TCERG1: variants seen among roughly 807,000 people sequenced by gnomAD.
TCERG1 encodes the protein transcription elongation regulator 1.
In TCERG1, 37 loss-of-function variants were observed where a neutral mutation model predicts 144.7. The observed-to-expected ratio is 0.26, with a 90% CI of 0.20 to 0.34. The LOEUF is 0.34. TCERG1 is among the 10% of genes least tolerant of loss of function. The probability of loss-of-function intolerance (pLI) is 1.00; values close to 1 mark genes in which losing one functional copy is unlikely to be tolerated. For missense variants in TCERG1, 1,027 were observed against 1,380.7 expected, an observed-to-expected ratio of 0.74 and a Z score of 4.06; for synonymous variants, 492 against 458.2, an observed-to-expected ratio of 1.07 and a Z score of -0.94.
chr5:146,508,008 G>A (rs567408966), intron 21 of TCERG1, 52 bp downstream of exon 21: 9 of 1,348,378 alleles, frequency 6.7e-6, no homozygotes, highest in South Asian at 1.3e-5. Flanking sequence ...TACTTAAATC[G>A]GGGCCTAACA....
intron 17 of TCERG1, among the ~76,000 whole-genome samples, chr5:146,501,391 A>C (rs1767434501): frequency 1.3e-5 from 2 of 152,186 alleles, no homozygotes; most frequent in South Asian, 4.1e-4. Context: ...TAATATCCAC[A>C]ATGAAAGGAA....
intron 4 of TCERG1, among the ~76,000 whole-genome samples, chr5:146,459,559 A>G (rs1288241386): frequency 6.6e-6 from 1 of 152,268 alleles, no homozygotes; most frequent in Non-Finnish European, 1.5e-5. Flanking sequence ...CTAAATTGAG[A>G]AAGTGCAAAG....
rs1763137603 is a variant in TCERG1, at chr5:146,459,279, C to G, written c.834C>G (p.Thr278=). Residue 278 remains threonine, a synonymous_variant, in exon 4 of 23, where the codon ACC becomes ACG. Coordinates refer to ENST00000679501, the MANE Select transcript of TCERG1 (RefSeq NM_001382548.1). The stretch of plus-strand genomic sequence containing the variant: ...TATCCACTTCAACATCATCATCCAC[C>G]CCTTCCTCTACCACTTCTACCACAA... ...PAVSTSTSSS[T]PSSTTSTTTT... The G allele has an allele frequency of 6.2e-7, 1 of 1,614,148 alleles. No homozygotes were observed. The highest frequency in any genetic ancestry group is 8.5e-7 in the Non-Finnish European group (1 of 1,180,050).
rs984933515 is a variant in TCERG1 at position 146,470,398 on chromosome 5, A to G, written c.1400-238A>G. Among the ~76,000 whole-genome samples, 6 of 152,334 alleles carry G rather than the reference A, an allele frequency of 3.9e-5. No homozygotes were observed. The East Asian group carries it at 9.6e-4, about 24-fold the overall frequency. On this transcript the variant is annotated intron_variant, in intron 7 of 22. Transcript: ENST00000679501. ...ACAAATGATATATGAATGACCTGAA[A>G]GATTTAATGTGCCTTCGAAGTCAGT... is the stretch of plus-strand genomic sequence containing the variant.
At chr5:146,468,548 T>G (rs975545218) in intron 6 of TCERG1, 145 bp downstream of exon 6, 1 of 637,810 alleles carries the variant, frequency 1.6e-6, no homozygotes, top group East Asian at 3.2e-5. Flanking sequence ...AATGCAGTTG[T>G]CATATTTGGC....
At chr5:146,471,331 G>C (rs985853225) in intron 8 of TCERG1, among the ~76,000 whole-genome samples, 157 bp from the exon 9 acceptor site, 3 of 152,190 alleles carry the variant, frequency 2.0e-5, no homozygotes, top group African/African-American at 4.8e-5. Flanking sequence ...CTTTCTGGGG[G>C]ATGAGGATTT....
intron 18 of TCERG1, 90 bp from the exon 19 acceptor site, chr5:146,503,734 T>C: frequency 6.8e-7 from 1 of 1,470,690 alleles, no homozygotes; most frequent in Non-Finnish European, 9.1e-7. Context: ...AAACTAGATT[T>C]GGAATTTTTT....
At chr5:146,491,167 T>C (rs991645326) in intron 15 of TCERG1, among the ~76,000 whole-genome samples, 2 of 151,440 alleles carry the variant, frequency 1.3e-5, no homozygotes, top group East Asian at 1.9e-4. Flanking sequence ...TTTTTTTGCA[T>C]GTAGAGATGG....
intron 2 of TCERG1, among the ~76,000 whole-genome samples, chr5:146,456,697 GTTAC>G (rs1762860554): frequency 6.6e-6 from 1 of 152,116 alleles, no homozygotes; most frequent in African/African-American, 2.4e-5. Flanking sequence ...GAATTTTAAT[GTTAC>G]TTACAGCTTA....
At chr5:146,494,089 A>G (rs1390205387) in intron 16 of TCERG1, among the ~76,000 whole-genome samples, 1 of 152,122 alleles carries the variant, frequency 6.6e-6, no homozygotes, top group African/African-American at 2.4e-5. Flanking sequence ...CTTCAGGGGT[A>G]GTAGAGGTTC....
At chr5:146,453,868 G>A (rs1364171894) in intron 1 of TCERG1, among the ~76,000 whole-genome samples, 1 of 151,766 alleles carries the variant, frequency 6.6e-6, no homozygotes, top group Non-Finnish European at 1.5e-5. Flanking sequence ...GGATAACATT[G>A]ACATATCTGA....
rs375344528 is a variant in TCERG1 at position 146,458,111 on chromosome 5, A to G, written c.439-773A>G. 2.2e-4 allele frequency among the ~76,000 whole-genome samples: 33 copies of G among 152,244 alleles called. No homozygotes were observed. In the East Asian group the frequency reaches 4.8e-3, roughly 22 times the overall value. ...GTAATCCCACCCGCCTTGGCCTCCC[A>G]TAGTGCTGGGATTACAGGCGTGAGC... is the stretch of plus-strand genomic sequence containing the variant. On this transcript the variant is annotated intron_variant, in intron 3 of 22. Coordinates refer to ENST00000679501, the MANE Select transcript of TCERG1 (RefSeq NM_001382548.1).
intron 1 of TCERG1, 103 bp downstream of exon 1, chr5:146,447,511 G>C: frequency 6.8e-7 from 1 of 1,462,596 alleles, no homozygotes; most frequent in South Asian, 1.2e-5. Context: ...GGGTAGCGGA[G>C]CCGGGCGGCC....
chr5:146,496,907 T>C (rs1346925392), intron 16 of TCERG1, among the ~76,000 whole-genome samples: 2 of 141,148 alleles, frequency 1.4e-5, no homozygotes, highest in African/African-American at 5.3e-5. Flanking sequence ...AGAGTCTTGC[T>C]CTGTCACCCA....
At chr5:146,479,377 G>A (rs960502359) in intron 10 of TCERG1, among the ~76,000 whole-genome samples, 1 of 152,052 alleles carries the variant, frequency 6.6e-6, no homozygotes, top group African/African-American at 2.4e-5. Context: ...TGAATTATAA[G>A]TAATTTCTGA....
intron 19 of TCERG1, among the ~76,000 whole-genome samples, chr5:146,506,151 C>T (rs905827370): frequency 5.3e-5 from 8 of 152,230 alleles, no homozygotes; most frequent in East Asian, 1.9e-4. Flanking sequence ...TTGCAAAGCA[C>T]GGTATATATC....
chr5:146,492,492 GTA>G (rs1372441730), intron 15 of TCERG1, among the ~76,000 whole-genome samples: 1 of 152,136 alleles, frequency 6.6e-6, no homozygotes, highest in East Asian at 1.9e-4. Flanking sequence ...TAGAATAGAT[GTA>G]AAGCATGATT....
chr5:146,463,019 A>G (rs1161643981), intron 4 of TCERG1, among the ~76,000 whole-genome samples: 1 of 152,132 alleles, frequency 6.6e-6, no homozygotes, highest in African/African-American at 2.4e-5. Flanking sequence ...TATCCATTTA[A>G]GGGCATACTC....
chr5:146,507,983 C>T lies in TCERG1; in HGVS notation c.3045+27C>T, dbSNP rs981827895. On this transcript the variant is annotated intron_variant, in intron 21 of 22. Transcript: ENST00000679501. The surrounding 1 kb of genome is among the most constrained non-coding windows in gnomAD (Gnocchi z 4.6). Reference sequence around the variant, plus strand: ...TAAGAGGATTTTGTGTCGAGATTTACTGTCAGTCTATAAATACTTAAATCG... The same window carrying T: ...TAAGAGGATTTTGTGTCGAGATTTATTGTCAGTCTATAAATACTTAAATCG... 3.9e-6 allele frequency: 6 copies of T among 1,545,832 alleles called. No individual in the cohort carries two copies. In the African/African-American group the frequency reaches 6.8e-5, roughly 18 times the overall value.
Sources: allele counts gnomAD v4.1 joint callset (sites outside exome capture counted in the v4.1 genomes callset), GRCh38; gene constraint gnomAD v4.1.1; non-coding constraint Gnocchi (gnomAD v3.1); transcripts MANE v1.5; gene names NCBI Gene and HGNC (gene_info 2026-07-23, HGNC 2026-07-21).